Variants in UBE2D3 observed in about 807,000 individuals in gnomAD.
UBE2D3 encodes the protein ubiquitin conjugating enzyme E2 D3, also known as ubiquitin-conjugating enzyme E2 D3.
UBE2D3 carries 2 observed loss-of-function variants against 22.8 expected under a neutral mutation model. The observed-to-expected ratio is 0.09, with a 90% CI of 0.04 to 0.28. The LOEUF (loss-of-function observed/expected upper bound fraction) is 0.28, where lower values mean the gene tolerates loss of function less well. UBE2D3 is among the 10% of genes least tolerant of loss of function. UBE2D3 has a pLI of 1.00. For synonymous variants in UBE2D3, 56 were observed against 60.4 expected, an observed-to-expected ratio of 0.93 and a Z score of 0.34; for missense variants, 27 against 182.5, an observed-to-expected ratio of 0.15 and a Z score of 4.91.
chr4:102,868,172 A>C (rs1433047267), intron 1 of UBE2D3, among the ~76,000 whole-genome samples: 2 of 144,536 alleles, frequency 1.4e-5, no homozygotes, highest in Non-Finnish European at 3.0e-5. Context: ...TCCCTGGTTC[A>C]AGCGATTCTC....
intron 1 of UBE2D3, among the ~76,000 whole-genome samples, chr4:102,852,389 G>T (rs975702847): frequency 1.3e-5 from 2 of 152,088 alleles, no homozygotes; most frequent in African/African-American, 4.8e-5. Flanking sequence ...AGTAATATGT[G>T]TTTTTCACAT....
At chr4:102,822,892 C>T (rs963013613) in intron 2 of UBE2D3, among the ~76,000 whole-genome samples, 2 of 146,772 alleles carry the variant, frequency 1.4e-5, no homozygotes, top group Admixed American at 6.8e-5. Flanking sequence ...GCTGAGATCG[C>T]GCCACTGCAC....
rs572630469 is a variant in UBE2D3 at position 102,810,984 on chromosome 4, A to G, written c.25-1129T>C. Reference sequence around the variant, plus strand: ...ACACCCATTAAGTCTAGGGACTACTATATCTTCTATATCCCCTTTCTCATA... The same window carrying G: ...ACACCCATTAAGTCTAGGGACTACTGTATCTTCTATATCCCCTTTCTCATA... On this transcript the variant is annotated intron_variant, in intron 2 of 7. Coordinates refer to ENST00000453744, the MANE Select transcript of UBE2D3 (RefSeq NM_181891.3). The G allele has an allele frequency of 1.4e-4, 22 of 152,322 alleles. 1 individual carries two copies. Among genetic ancestry groups the G allele is most frequent in the African/African-American group, 4.6e-4 (19 of 41,574 alleles). The allele number at this position is 152,322 out of a possible 1,614,324, so 9.4% of individuals were successfully genotyped here.
rs1260523199 is a variant in UBE2D3 at position 102,795,966 on chromosome 4, C to CA, written c.*1448dup. 3.3e-5 allele frequency: 5 copies of CA among 152,346 alleles called. No homozygotes were observed. The highest frequency in any genetic ancestry group is 5.9e-5 in the Non-Finnish European group (4 of 67,858). The allele number at this position is 152,346 out of a possible 1,614,324, so 9.4% of individuals were successfully genotyped here. A position where few individuals can be genotyped will look rare whatever the true frequency, so the allele number is the denominator to read the frequency against. On this transcript the variant is annotated 3_prime_UTR_variant, in exon 8 of 8. Coordinates refer to ENST00000453744, the MANE Select transcript of UBE2D3 (RefSeq NM_181891.3). The stretch of plus-strand genomic sequence containing the variant: ...AGTGGCACAGATAGCACTTGTCAAA[C>CA]AAAAAACAATCCAATAGCATTGACT...
intron 2 of UBE2D3, 116 bp downstream of exon 2, chr4:102,826,366 GGAA>G (rs1560874013): frequency 2.3e-6 from 3 of 1,285,226 alleles, no homozygotes; most frequent in East Asian, 2.3e-5. Flanking sequence ...ATCCCCCCAT[GGAA>G]GAAGTGATCC....
chr4:102,800,785 C>A (rs1054174574), intron 6 of UBE2D3, among the ~76,000 whole-genome samples: 1 of 151,872 alleles, frequency 6.6e-6, no homozygotes, highest in South Asian at 2.1e-4. Flanking sequence ...TTTGAAAAAG[C>A]TTTTTTGTAC....
In UBE2D3 at chr4:102,795,986, T is replaced by C. The variant is rs1440511442; in HGVS notation, c.*1429A>G. 1.3e-5 allele frequency: 2 copies of C among 152,486 alleles called. No individual in the cohort carries two copies. Among genetic ancestry groups the C allele is most frequent in the Non-Finnish European group, 2.9e-5 (2 of 67,928 alleles). The allele number at this position is 152,486 out of a possible 1,614,324, so 9.4% of individuals were successfully genotyped here. On this transcript the variant is annotated 3_prime_UTR_variant, in exon 8 of 8. Coordinates refer to ENST00000453744, the MANE Select transcript of UBE2D3 (RefSeq NM_181891.3). ...TCAAACAAAAAACAATCCAATAGCA[T>C]TGACTTTTATTCATTCATGTTAAGT... is the stretch of plus-strand genomic sequence containing the variant.
chr4:102,819,478 T>C (rs1223109044), intron 2 of UBE2D3: 1 of 795,744 alleles, frequency 1.3e-6, no homozygotes, highest in Non-Finnish European at 1.5e-6. Context: ...ATCTGAACAT[T>C]CGGTTAACTT....
intron 2 of UBE2D3, among the ~76,000 whole-genome samples, chr4:102,813,372 A>C (rs1009861448): frequency 6.6e-6 from 1 of 152,212 alleles, no homozygotes; most frequent in Admixed American, 6.5e-5. Flanking sequence ...CAATAAATGT[A>C]CATTTTTAAT....
At chr4:102,818,932 A>G (rs535181713) in intron 2 of UBE2D3, among the ~76,000 whole-genome samples, 13 of 152,170 alleles carry the variant, frequency 8.5e-5, no homozygotes, top group Middle Eastern at 3.2e-3. Flanking sequence ...TCATTCAATG[A>G]TAAGTGGTAC....
At chr4:102,815,069 G>A (rs1372201611) in intron 2 of UBE2D3, among the ~76,000 whole-genome samples, 1 of 151,874 alleles carries the variant, frequency 6.6e-6, no homozygotes, top group East Asian at 1.9e-4. Flanking sequence ...TGGAGATGGA[G>A]TTTCACTCTT....
intron 4 of UBE2D3, 51 bp downstream of exon 4, chr4:102,809,621 T>C: frequency 6.6e-7 from 1 of 1,520,520 alleles, no homozygotes; most frequent in Non-Finnish European, 8.9e-7. Flanking sequence ...TACAACCAAA[T>C]CAATGCTGGA....
upstream of UBE2D3, chr4:102,828,312 G>A (rs1027107940): frequency 4.1e-6 from 4 of 971,140 alleles, no homozygotes; most frequent in Non-Finnish European, 4.9e-6. Flanking sequence ...GTTTCCGGTG[G>A]AGCAGGTGAG....
At chr4:102,821,082 G>C (rs967926484) in intron 2 of UBE2D3, among the ~76,000 whole-genome samples, 1 of 152,064 alleles carries the variant, frequency 6.6e-6, no homozygotes, top group African/African-American at 2.4e-5. Flanking sequence ...TATCTAATAA[G>C]AGAAACTGGG....
chr4:102,797,212 C>G lies in UBE2D3; in HGVS notation c.*203G>C. On this transcript the variant is annotated 3_prime_UTR_variant, in exon 8 of 8. Coordinates refer to ENST00000453744, the MANE Select transcript of UBE2D3 (RefSeq NM_181891.3). ...TTCTCTTGTAACTACTTTACAGTTT[C>G]TAAAAGCAGTTATTGTCCAAAGCTG... 1 of 454,830 alleles carries G rather than the reference C, an allele frequency of 2.2e-6. No homozygotes were observed. The highest frequency in any genetic ancestry group is 3.9e-6 in the Non-Finnish European group (1 of 254,070). The allele number at this position is 454,830 out of a possible 1,614,324, so 28.2% of individuals were successfully genotyped here. A position where few individuals can be genotyped will look rare whatever the true frequency, so the allele number is the denominator to read the frequency against.
At position 102,813,645 on chromosome 4, in the gene UBE2D3, C is replaced by A. The variant is rs140981235; in HGVS notation, c.25-3790G>T. On this transcript the variant is annotated intron_variant, in intron 2 of 7. Transcript: ENST00000453744. ...ATTAATAAACAAATGATGTTTATAG[C>A]CATTCAACTTGGTGAGAGCACTCCT... Among the ~76,000 whole-genome samples, 411 of 152,216 alleles carry A rather than the reference C, an allele frequency of 2.7e-3. 3 individuals carry two copies. Among genetic ancestry groups the A allele is most frequent in the African/African-American group, 9.6e-3 (400 of 41,538 alleles).
chr4:102,857,136 G>C (rs1219374478), intron 1 of UBE2D3, among the ~76,000 whole-genome samples: 2 of 152,156 alleles, frequency 1.3e-5, no homozygotes, highest in Non-Finnish European at 2.9e-5. Flanking sequence ...GAAATGGTGT[G>C]TGTTGGGTTA....
intron 1 of UBE2D3, among the ~76,000 whole-genome samples, chr4:102,851,490 G>GTT (rs1732346011): frequency 6.6e-6 from 1 of 152,190 alleles, no homozygotes; most frequent in African/African-American, 2.4e-5. Context: ...TTAAGCCACT[G>GTT]TTTTGGAATG....
chr4:102,812,816 C>T (rs1728236060), intron 2 of UBE2D3: 1 of 152,062 alleles, frequency 6.6e-6, no homozygotes. Context: ...AGACTTTGTC[C>T]CATTTAACAG....
Sources: gnomAD v4.1 joint callset for allele counts (sites outside exome capture counted in the v4.1 genomes callset) on GRCh38, gnomAD v4.1.1 for gene constraint, MANE v1.5 for transcripts, NCBI Gene and HGNC (gene_info 2026-07-23, HGNC 2026-07-21) for gene names.